Variants in DLGAP2 observed in about 807,000 individuals in gnomAD.
DLGAP2 encodes the protein disks large-associated protein 2.
A neutral mutation model predicts 100.3 loss-of-function variants in DLGAP2; 26 were observed. That is an observed-to-expected ratio of 0.26 (90% CI 0.19 to 0.36). The LOEUF is 0.36. Among genes scored for constraint, DLGAP2 ranks in the 10% least tolerant of loss-of-function variants. DLGAP2 has a pLI of 1.00. For missense variants in DLGAP2, 1,858 were observed against 1,453.2 expected, an observed-to-expected ratio of 1.28 and a Z score of -4.53; for synonymous variants, 886 against 630.1, an observed-to-expected ratio of 1.41 and a Z score of -6.08.
chr8:1,337,830 A>G (rs1229480312), intron 3 of DLGAP2, among the ~76,000 whole-genome samples: 1 of 152,232 alleles, frequency 6.6e-6, no homozygotes, highest in Non-Finnish European at 1.5e-5. Context: ...TATATAAAGA[A>G]TTCTTCCAAT....
chr8:1,628,004 GC>G (rs1221778131), intron 7 of DLGAP2, among the ~76,000 whole-genome samples: 3 of 131,146 alleles, frequency 2.3e-5, no homozygotes, highest in African/African-American at 1.0e-4. Context: ...AAGAGCTTGA[GC>G]CGACCTCACA....
chr8:1,174,246 C>T (rs1421067395), intron 2 of DLGAP2, among the ~76,000 whole-genome samples: 1 of 152,192 alleles, frequency 6.6e-6, no homozygotes, highest in South Asian at 2.1e-4. Flanking sequence ...TGTGATAAGT[C>T]TACCCACATA....
intron 3 of DLGAP2, among the ~76,000 whole-genome samples, chr8:1,463,724 G>C (rs573005115): frequency 1.8e-4 from 27 of 152,372 alleles, no homozygotes; most frequent in African/African-American, 6.3e-4. Context: ...TGGCCACGTT[G>C]AACATGGTGT....
intron 1 of DLGAP2, among the ~76,000 whole-genome samples, chr8:834,679 G>C (rs1300527705): frequency 6.6e-6 from 1 of 152,106 alleles, no homozygotes; most frequent in African/African-American, 2.4e-5. Context: ...TGTTGTTAGG[G>C]AGGAGGGGGT....
intron 3 of DLGAP2, among the ~76,000 whole-genome samples, chr8:1,463,435 G>A (rs1798516440): frequency 6.6e-6 from 1 of 152,144 alleles, no homozygotes; most frequent in South Asian, 2.1e-4. Flanking sequence ...TGTGTCCAGG[G>A]ACCACCCATG....
chr8:1,171,121 G>C (rs1797119425), intron 2 of DLGAP2, among the ~76,000 whole-genome samples: 1 of 152,110 alleles, frequency 6.6e-6, no homozygotes, highest in East Asian at 1.9e-4. Context: ...CTTTATTTCT[G>C]CCTTCATTTC....
At chr8:753,262 A>G (rs1820837926) in intron 1 of DLGAP2, among the ~76,000 whole-genome samples, 1 of 152,166 alleles carries the variant, frequency 6.6e-6, no homozygotes, top group African/African-American at 2.4e-5. Flanking sequence ...ACGGAACACA[A>G]ACTTTACAAA....
At chr8:1,411,338 G>A (rs1796725013) in intron 3 of DLGAP2, among the ~76,000 whole-genome samples, 1 of 152,214 alleles carries the variant, frequency 6.6e-6, no homozygotes, top group Non-Finnish European at 1.5e-5. Context: ...ATCTTATATG[G>A]TTTTGAAGGC....
intron 3 of DLGAP2, among the ~76,000 whole-genome samples, chr8:1,460,584 G>A (rs6995218): frequency 0.5 from 76,323 of 151,584 alleles, 19,658 homozygotes; most frequent in East Asian, 0.84. Flanking sequence ...GATGGTTTTC[G>A]TGACAGGTTT....
chr8:1,489,610 G>T (rs963569597), intron 3 of DLGAP2, among the ~76,000 whole-genome samples: 3 of 152,172 alleles, frequency 2.0e-5, no homozygotes, highest in African/African-American at 7.2e-5. Flanking sequence ...AGGTTGGTGG[G>T]AGAAAATTTG....
intron 3 of DLGAP2, among the ~76,000 whole-genome samples, chr8:1,319,367 G>A (rs985726304): frequency 3.3e-5 from 5 of 152,198 alleles, no homozygotes; most frequent in South Asian, 2.1e-4. Context: ...GCAGGTGTTG[G>A]GAGAGAGGCC....
chr8:1,006,490 C>A (rs979566189), intron 2 of DLGAP2, among the ~76,000 whole-genome samples: 2 of 120,064 alleles, frequency 1.7e-5, no homozygotes, highest in African/African-American at 3.2e-5. Context: ...TCGGGGACAC[C>A]GTGTGTCTCA....
intron 2 of DLGAP2, among the ~76,000 whole-genome samples, chr8:1,258,170 G>T (rs1799268760): frequency 6.6e-6 from 1 of 152,160 alleles, no homozygotes; most frequent in Non-Finnish European, 1.5e-5. Flanking sequence ...ATACAGATTT[G>T]CTCATAACTT....
At chr8:1,218,781 G>C (rs11136363) in intron 2 of DLGAP2, among the ~76,000 whole-genome samples, 88,314 of 151,902 alleles carry the variant, frequency 0.58, 27,889 homozygotes, top group African/African-American at 0.82. Flanking sequence ...TTTTTCCATT[G>C]ACTTGTTTCA....
rs192326109 is a variant in DLGAP2, at chr8:1,088,924, A to G, written c.74-169927A>G. Among the ~76,000 whole-genome samples the G allele has an allele frequency of 2.0e-3, 199 of 99,168 alleles. 8 individuals carry two copies. Among genetic ancestry groups the G allele is most frequent in the Middle Eastern group, 6.2e-3 (1 of 162 alleles). The allele number at this position is 99,168 out of a possible 152,430, so 65.1% of individuals were successfully genotyped here. ...CCCCGCCTCACTCTCTCCACCCCTC[A>G]TCCAGCAGGCTATGCCATTCTCGCT... On this transcript the variant is annotated intron_variant, in intron 2 of 14. Coordinates refer to ENST00000637795, the MANE Select transcript of DLGAP2 (RefSeq NM_001346810.2).
intron 3 of DLGAP2, among the ~76,000 whole-genome samples, chr8:1,343,359 C>T (rs1801463229): frequency 1.3e-5 from 2 of 152,164 alleles, no homozygotes; most frequent in African/African-American, 4.8e-5. Flanking sequence ...ACAAGACTCA[C>T]AGACACGGCC....
chr8:1,297,207 G>A (rs1247660395), intron 3 of DLGAP2: 2 of 152,204 alleles, frequency 1.3e-5, no homozygotes, highest in African/African-American at 2.4e-5. Context: ...GGACCTCCAG[G>A]TAGTGAGTTA....
At chr8:1,155,056 C>G (rs1222379547) in intron 2 of DLGAP2, among the ~76,000 whole-genome samples, 1 of 152,206 alleles carries the variant, frequency 6.6e-6, no homozygotes, top group Non-Finnish European at 1.5e-5. Flanking sequence ...GCCTGGGCAC[C>G]AGCACCTCTC....
chr8:1,424,532 C>A (rs775969292), intron 3 of DLGAP2, among the ~76,000 whole-genome samples: 1 of 152,232 alleles, frequency 6.6e-6, no homozygotes, highest in Non-Finnish European at 1.5e-5. Flanking sequence ...CTTGGGTGAA[C>A]CCTGAGGACA....
Sources: gnomAD v4.1 joint callset for allele counts (sites outside exome capture counted in the v4.1 genomes callset) on GRCh38, gnomAD v4.1.1 for gene constraint, MANE v1.5 for transcripts, NCBI Gene and HGNC (gene_info 2026-07-23, HGNC 2026-07-21) for gene names.